Variants in KPNA1 observed in about 807,000 individuals in gnomAD.
KPNA1 encodes importin subunit alpha-5.
Under a neutral mutation model 70.5 loss-of-function variants are expected in KPNA1, and 10 were observed. That is an observed-to-expected ratio of 0.14 (90% CI 0.09 to 0.24). The LOEUF (loss-of-function observed/expected upper bound fraction) is 0.24. Ranked by LOEUF, KPNA1 falls within the 10% of genes least tolerant of loss-of-function variation. The pLI is 1.00. For missense variants in KPNA1, 397 were observed against 637.9 expected, an observed-to-expected ratio of 0.62 and a Z score of 4.07; for synonymous variants, 192 against 221.9, an observed-to-expected ratio of 0.87 and a Z score of 1.20.
chr3:122,471,778 G>A (rs571226159), intron 2 of KPNA1, among the ~76,000 whole-genome samples: 2 of 152,014 alleles, frequency 1.3e-5, no homozygotes, highest in East Asian at 3.9e-4. Context: ...CTGGGCCACA[G>A]GGCGAGACTG....
At chr3:122,473,520 T>C (rs1334844923) in intron 2 of KPNA1, among the ~76,000 whole-genome samples, 1 of 152,116 alleles carries the variant, frequency 6.6e-6, no homozygotes, top group Non-Finnish European at 1.5e-5. Context: ...ACGAATCATA[T>C]ACCATGATCA....
chr3:122,474,607 G>C (rs1461147034), intron 2 of KPNA1, among the ~76,000 whole-genome samples: 1 of 152,024 alleles, frequency 6.6e-6, no homozygotes, highest in Non-Finnish European at 1.5e-5. Context: ...AACGGTGCTG[G>C]AGTTCAACGA....
intron 2 of KPNA1, among the ~76,000 whole-genome samples, chr3:122,473,968 T>C (rs2076470600): frequency 6.6e-6 from 1 of 151,998 alleles, no homozygotes; most frequent in Non-Finnish European, 1.5e-5. Flanking sequence ...AAAGAATCAA[T>C]AAAAAAACCT....
chr3:122,449,761 T>C (rs778214695), intron 8 of KPNA1, 24 bp from the exon 9 acceptor site: 4 of 1,589,786 alleles, frequency 2.5e-6, no homozygotes, highest in South Asian at 2.3e-5. Context: ...ATGATGATTA[T>C]GAAATTCAAT....
In KPNA1 at chr3:122,472,728, T is replaced by C. The variant is rs1266077090; in HGVS notation, c.130-5299A>G. The stretch of plus-strand genomic sequence containing the variant: ...AGACAGAGGACACAAACTCCTAATA[T>C]CAGAACTCAAAGAAAGAAAATCACT... On this transcript the variant is annotated intron_variant, in intron 2 of 13. Transcript: ENST00000344337. 2.6e-5 allele frequency among the ~76,000 whole-genome samples: 4 copies of C among 152,154 alleles called. No individual in the cohort carries two copies. The South Asian group carries it at 6.2e-4, about 24-fold the overall frequency.
chr3:122,485,868 A>T (rs1576332672), intron 2 of KPNA1, among the ~76,000 whole-genome samples: 2 of 152,302 alleles, frequency 1.3e-5, no homozygotes, highest in East Asian at 3.9e-4. Context: ...AAACTTTTTT[A>T]AAAAAGAAAA....
At chr3:122,495,616 T>C (rs1430278654) in intron 2 of KPNA1, among the ~76,000 whole-genome samples, 1 of 151,516 alleles carries the variant, frequency 6.6e-6, no homozygotes, top group African/African-American at 2.4e-5. Context: ...GCAAAATATT[T>C]ATAATAGAAT....
intron 1 of KPNA1, among the ~76,000 whole-genome samples, chr3:122,510,605 G>A (rs567499417): frequency 1.3e-5 from 2 of 152,322 alleles, no homozygotes; most frequent in African/African-American, 4.8e-5. Context: ...GGTAGAGACA[G>A]TGTGTGCATA....
intron 2 of KPNA1, among the ~76,000 whole-genome samples, chr3:122,470,654 T>C (rs2076431588): frequency 6.6e-6 from 1 of 152,072 alleles, no homozygotes; most frequent in South Asian, 2.1e-4. Flanking sequence ...TTAAAAGGTA[T>C]AGTGTTATTT....
intron 12 of KPNA1, among the ~76,000 whole-genome samples, chr3:122,431,645 G>C (rs2075910564): frequency 6.6e-6 from 1 of 152,156 alleles, no homozygotes; most frequent in Admixed American, 6.5e-5. Context: ...GAAACTGCTA[G>C]GAGGTTGGTA....
chr3:122,511,225 G>C (rs1276649153), intron 1 of KPNA1, among the ~76,000 whole-genome samples: 1 of 152,024 alleles, frequency 6.6e-6, no homozygotes, highest in Non-Finnish European at 1.5e-5. Context: ...CTGACCCCAA[G>C]CTGCCTATTC....
At chr3:122,430,085 T>C (rs2075880714) in intron 12 of KPNA1, among the ~76,000 whole-genome samples, 1 of 152,046 alleles carries the variant, frequency 6.6e-6, no homozygotes, top group South Asian at 2.1e-4. Context: ...ATTAAATTCT[T>C]CAGTGCTGGG....
chr3:122,496,373 A>G, intron 2 of KPNA1, 64 bp downstream of exon 2: 1 of 1,442,134 alleles, frequency 6.9e-7, no homozygotes, highest in South Asian at 1.2e-5. Flanking sequence ...AAATGAAGAT[A>G]GTTTCAGGCT....
chr3:122,453,828 C>T lies in KPNA1; in HGVS notation c.564+42G>A, dbSNP rs563999242. The stretch of plus-strand genomic sequence containing the variant: ...TACAGGAGTGAGCGACATGCCCAGC[C>T]AAAAACTTTCTTTCACCTGCTTCTT... On this transcript the variant is annotated intron_variant, in intron 6 of 13. Coordinates refer to ENST00000344337, the MANE Select transcript of KPNA1 (RefSeq NM_002264.4). 79 of 1,569,754 alleles carry T rather than the reference C, an allele frequency of 5.0e-5. 1 individual carries two copies. The South Asian group carries it at 8.5e-4, about 17-fold the overall frequency.
chr3:122,479,873 T>C (rs971315526), intron 2 of KPNA1, among the ~76,000 whole-genome samples: 5 of 152,164 alleles, frequency 3.3e-5, no homozygotes, highest in Non-Finnish European at 7.4e-5. Context: ...CAAATGTATA[T>C]AGGAGTTTTA....
chr3:122,466,137 T>C (rs565099907), intron 3 of KPNA1, among the ~76,000 whole-genome samples: 1 of 152,198 alleles, frequency 6.6e-6, no homozygotes, highest in African/African-American at 2.4e-5. Flanking sequence ...AAGGAAATAA[T>C]ACTACCCTCC....
intron 1 of KPNA1, among the ~76,000 whole-genome samples, chr3:122,511,475 ATGT>A (rs2076954364): frequency 6.6e-6 from 1 of 152,100 alleles, no homozygotes; most frequent in African/African-American, 2.4e-5. Flanking sequence ...CCATTTTTTC[ATGT>A]TGTTTTGTAG....
rs114924499 is a variant in KPNA1 at position 122,441,235 on chromosome 3, C to T, written c.996+803G>A. 2.6e-3 allele frequency among the ~76,000 whole-genome samples: 390 copies of T among 152,302 alleles called. 3 individuals carry two copies. The highest frequency in any genetic ancestry group is 9.1e-3 in the African/African-American group (380 of 41,566). ...GAACTAAAAGACTTCAACATCACAA[C>T]ACAGCTGAGATTTCAGGAAGAAATA... On this transcript the variant is annotated intron_variant, in intron 10 of 13. Transcript: ENST00000344337.
intron 5 of KPNA1, among the ~76,000 whole-genome samples, chr3:122,455,821 G>C (rs1158156882): frequency 6.6e-6 from 1 of 152,152 alleles, no homozygotes; most frequent in Non-Finnish European, 1.5e-5. Flanking sequence ...CTCCCAAAGT[G>C]CTGGGATTAC....
Sources: allele counts gnomAD v4.1 joint callset (sites outside exome capture counted in the v4.1 genomes callset), GRCh38; gene constraint gnomAD v4.1.1; transcripts MANE v1.5; gene names NCBI Gene and HGNC (gene_info 2026-07-23, HGNC 2026-07-21).